The following SEL1L2 variants were observed in gnomAD, a reference collection of about 807,000 sequenced individuals.
SEL1L2 encodes SEL1L2 adaptor subunit of SYVN1 ubiquitin ligase, also known as protein sel-1 homolog 2.
Under a neutral mutation model 98.8 loss-of-function variants are expected in SEL1L2, and 89 were observed. The ratio of observed to expected loss-of-function variants is 0.90; its 90% CI spans 0.76 to 1.07. The LOEUF (loss-of-function observed/expected upper bound fraction) is 1.07. SEL1L2 is among the 50% of genes least tolerant of loss of function. SEL1L2 has a pLI of 0.00. For missense variants in SEL1L2, 788 were observed against 812.0 expected, an observed-to-expected ratio of 0.97 and a Z score of 0.36; for synonymous variants, 262 against 278.5, an observed-to-expected ratio of 0.94 and a Z score of 0.59.
intron 3 of SEL1L2, among the ~76,000 whole-genome samples, chr20:13,928,559 A>G (rs908663944): frequency 6.6e-6 from 1 of 152,218 alleles, no homozygotes; most frequent in African/African-American, 2.4e-5. Context: ...CCCAATCAAC[A>G]ACAAAATTCT....
intron 2 of SEL1L2, among the ~76,000 whole-genome samples, chr20:13,944,388 A>G (rs1483435012): frequency 6.6e-6 from 1 of 152,194 alleles, no homozygotes; most frequent in Non-Finnish European, 1.5e-5. Flanking sequence ...CAGATGGGTG[A>G]GCTGGTGGAG....
intron 17 of SEL1L2, among the ~76,000 whole-genome samples, chr20:13,862,448 A>G (rs904468048): frequency 6.6e-6 from 1 of 152,128 alleles, no homozygotes; most frequent in Non-Finnish European, 1.5e-5. Context: ...AAAAAGAGGA[A>G]GTGCCCTGTA....
In SEL1L2 at chr20:13,942,167, A is replaced by G. The variant is rs374300459; in HGVS notation, c.115-10396T>C. 4.9e-4 allele frequency among the ~76,000 whole-genome samples: 75 copies of G among 152,342 alleles called. No individual in the cohort carries two copies. In the South Asian group the frequency reaches 0.016, roughly 32 times the overall value. On this transcript the variant is annotated intron_variant, in intron 2 of 19. Coordinates refer to ENST00000284951, the MANE Select transcript of SEL1L2 (RefSeq NM_025229.2). ...TGTTTAGGTAAATGAATGAGATGCT[A>G]TCGAGATATAATGTGGCAGAGAACA...
At chr20:13,968,293 C>T (rs2051137735) in intron 1 of SEL1L2, among the ~76,000 whole-genome samples, 1 of 152,210 alleles carries the variant, frequency 6.6e-6, no homozygotes, top group South Asian at 2.1e-4. Flanking sequence ...TTCCAGAAGC[C>T]TAATTACCTC....
chr20:13,976,301 GT>G (rs200906934), intron 1 of SEL1L2, among the ~76,000 whole-genome samples: 1 of 150,912 alleles, frequency 6.6e-6, no homozygotes, highest in Non-Finnish European at 1.5e-5. Flanking sequence ...CACCCGGACT[GT>G]TTTTTTTTGT....
intron 1 of SEL1L2, among the ~76,000 whole-genome samples, chr20:13,972,053 G>C (rs2051308746): frequency 6.6e-6 from 1 of 151,952 alleles, no homozygotes; most frequent in Admixed American, 6.6e-5. Context: ...GTGTGTGTGA[G>C]GACACACACA....
chr20:13,895,213 T>C (rs749890394), intron 5 of SEL1L2, among the ~76,000 whole-genome samples: 1 of 152,088 alleles, frequency 6.6e-6, no homozygotes, highest in Non-Finnish European at 1.5e-5. Context: ...GAAGCCTAAG[T>C]GGGCAGATTG....
At chr20:13,943,480 G>GT (rs11475670) in intron 2 of SEL1L2, among the ~76,000 whole-genome samples, 25 of 138,134 alleles carry the variant, frequency 1.8e-4, no homozygotes, top group South Asian at 7.0e-4. Flanking sequence ...AGAGCTCTGG[G>GT]TTTTTTTTTT....
chr20:13,934,103 T>C (rs980564378), intron 2 of SEL1L2, among the ~76,000 whole-genome samples: 1 of 150,466 alleles, frequency 6.6e-6, no homozygotes, highest in Non-Finnish European at 1.5e-5. Flanking sequence ...TTTGTAGCCT[T>C]TTATTCCTCA....
chr20:13,942,015 T>C (rs2049804300), intron 2 of SEL1L2, among the ~76,000 whole-genome samples: 1 of 152,158 alleles, frequency 6.6e-6, no homozygotes, highest in South Asian at 2.1e-4. Flanking sequence ...GTGTAATACA[T>C]TAAATTCTGC....
intron 2 of SEL1L2, among the ~76,000 whole-genome samples, chr20:13,942,595 T>G (rs1350468291): frequency 6.6e-6 from 1 of 152,136 alleles, no homozygotes; most frequent in Non-Finnish European, 1.5e-5. Context: ...AGGTTATTAG[T>G]ACATGAGAGT....
At chr20:13,875,385 G>A (rs569189837) in intron 12 of SEL1L2, among the ~76,000 whole-genome samples, 12 of 152,308 alleles carry the variant, frequency 7.9e-5, no homozygotes, top group South Asian at 4.1e-4. Context: ...GATTACAAGC[G>A]TGAGCCACTG....
At chr20:13,962,257 G>A (rs2050813964) in intron 1 of SEL1L2, among the ~76,000 whole-genome samples, 1 of 152,192 alleles carries the variant, frequency 6.6e-6, no homozygotes, top group African/African-American at 2.4e-5. Flanking sequence ...TCAGGAGATG[G>A]AGATTATTTT....
intron 3 of SEL1L2, among the ~76,000 whole-genome samples, chr20:13,919,326 A>G (rs1353835862): frequency 1.3e-5 from 2 of 152,136 alleles, no homozygotes. Context: ...CTAAAAACTT[A>G]TTCCCTGCTG....
chr20:13,872,188 T>C (rs1391639585), intron 12 of SEL1L2, among the ~76,000 whole-genome samples: 1 of 152,194 alleles, frequency 6.6e-6, no homozygotes, highest in Non-Finnish European at 1.5e-5. Flanking sequence ...CTGGAAGTAG[T>C]AAGGATCAGT....
rs560639052 is a variant in SEL1L2 at position 13,945,458 on chromosome 20, T to C, written c.114+10618A>G. Among the ~76,000 whole-genome samples, 18 of 151,702 alleles carry C rather than the reference T, an allele frequency of 1.2e-4. No homozygotes were observed. The East Asian group carries it at 3.3e-3, about 28-fold the overall frequency. On this transcript the variant is annotated intron_variant, in intron 2 of 19. Transcript: ENST00000284951. ...TACATTTGACATTATTTTACATTAT[T>C]ACACACTATGTACATTTTAATATAT...
At chr20:13,978,688 A>G (rs534999772) in intron 1 of SEL1L2, among the ~76,000 whole-genome samples, 4 of 152,164 alleles carry the variant, frequency 2.6e-5, no homozygotes, top group Non-Finnish European at 5.9e-5. Context: ...AAACGAAAAT[A>G]TAAAAATATA....
chr20:13,887,062 G>A (rs1042405762), intron 8 of SEL1L2, among the ~76,000 whole-genome samples: 2 of 151,884 alleles, frequency 1.3e-5, no homozygotes, highest in African/African-American at 4.8e-5. Context: ...TTTTTTTCTG[G>A]GACTAAGACT....
chr20:13,895,226 T>G (rs944474119), intron 5 of SEL1L2, among the ~76,000 whole-genome samples: 2 of 152,160 alleles, frequency 1.3e-5, no homozygotes, highest in Non-Finnish European at 2.9e-5. Flanking sequence ...GCAGATTGCA[T>G]GAGCTCACGA....
Sources: allele counts gnomAD v4.1 joint callset (sites outside exome capture counted in the v4.1 genomes callset), GRCh38; gene constraint gnomAD v4.1.1; transcripts MANE v1.5; gene names NCBI Gene and HGNC (gene_info 2026-07-23, HGNC 2026-07-21).